Variants in C2orf69 observed in about 807,000 individuals in gnomAD.
The protein encoded by C2orf69 is mitochondrial protein C2orf69.
A neutral mutation model predicts 29.5 loss-of-function variants in C2orf69; 19 were observed. The ratio of observed to expected loss-of-function variants is 0.65; its 90% CI spans 0.45 to 0.95. C2orf69 has a LOEUF of 0.95. Ranked by LOEUF, C2orf69 falls within the 40% of genes least tolerant of loss-of-function variation. The probability of loss-of-function intolerance (pLI) is 0.00; values close to 1 mark genes in which losing one functional copy is unlikely to be tolerated. For missense variants in C2orf69, 416 were observed against 482.1 expected (o/e 0.86, Z 1.28); for synonymous variants, 194 against 180.0 (o/e 1.08, Z -0.62).
At position 199,911,745 on chromosome 2, in the gene C2orf69, GTCC is replaced by G; in HGVS notation, c.310_312del (p.Leu104del). On this transcript the variant is annotated inframe_deletion, in exon 1 of 2. Coordinates refer to ENST00000319974, the MANE Select transcript of C2orf69 (RefSeq NM_153689.6). ...GCCGCAGCCGCCGCCCCAGCATCACGTCCTCTATTTCCCTGGGGATGTGCAGGT... is the reference window on the plus strand; with the variant it reads ...GCCGCAGCCGCCGCCCCAGCATCACGTCTATTTCCCTGGGGATGTGCAGGT... The G allele has an allele frequency of 5.2e-6, 8 of 1,540,506 alleles. No homozygotes were observed. Among genetic ancestry groups the G allele is most frequent in the Non-Finnish European group, 7.0e-6 (8 of 1,146,900 alleles).
At chr2:199,922,430 G>T (rs1438505030) in intron 1 of C2orf69, among the ~76,000 whole-genome samples, 1 of 152,024 alleles carries the variant, frequency 6.6e-6, no homozygotes, top group Non-Finnish European at 1.5e-5. Flanking sequence ...GTTGCATAGT[G>T]TACTGGATTT....
chr2:199,912,175 A>T (rs192064142), intron 1 of C2orf69, among the ~76,000 whole-genome samples: 3 of 152,340 alleles, frequency 2.0e-5, no homozygotes, highest in Admixed American at 2.0e-4. Flanking sequence ...TAGTGTTTAG[A>T]AAACGGTGGC....
chr2:199,927,522 T>C lies in C2orf69; in HGVS notation c.*1636T>C, dbSNP rs1315105719. 6.6e-6 allele frequency: 1 copy of C among 151,274 alleles called. No individual in the cohort carries two copies. Among genetic ancestry groups the C allele is most frequent in the Non-Finnish European group, 1.5e-5 (1 of 67,820 alleles). 9.4% of individuals were successfully genotyped at this position (151,274 alleles called of 1,614,324 possible). On this transcript the variant is annotated 3_prime_UTR_variant, in exon 2 of 2. Transcript: ENST00000319974. ...AAAATAACATTTCTTTTTGGTGTTT[T>C]AACACTTAATTTTATAAACTGCAGA...
Position 199,911,408 on chromosome 2 carries a change from C to T in C2orf69, c.-31C>T. On this transcript the variant is annotated 5_prime_UTR_variant, in exon 1 of 2. Transcript: ENST00000319974. Reference sequence around the variant, plus strand: ...CCTCAGGAACCCCTCCGCCACCCTCCACCTCCGAACCGCTCTCGCGGCGGC... The same window carrying T: ...CCTCAGGAACCCCTCCGCCACCCTCTACCTCCGAACCGCTCTCGCGGCGGC... 1 of 1,460,534 alleles carries T rather than the reference C, an allele frequency of 6.8e-7. No homozygotes were observed. Among genetic ancestry groups the T allele is most frequent in the Non-Finnish European group, 9.0e-7 (1 of 1,108,888 alleles). 90.5% of individuals were successfully genotyped at this position (1,460,534 alleles called of 1,614,324 possible). A position where few individuals can be genotyped will look rare whatever the true frequency, so the allele number is the denominator to read the frequency against.
intron 1 of C2orf69, among the ~76,000 whole-genome samples, chr2:199,921,853 T>G (rs944231765): frequency 6.6e-6 from 1 of 151,792 alleles, no homozygotes; most frequent in Non-Finnish European, 1.5e-5. Context: ...TTTTCTATCT[T>G]ACCTGTACCT....
At chr2:199,922,312 CG>C (rs2077320190) in intron 1 of C2orf69, among the ~76,000 whole-genome samples, 1 of 151,796 alleles carries the variant, frequency 6.6e-6, no homozygotes, top group Admixed American at 6.6e-5. Context: ...ATGTTGCTCA[CG>C]CTGGTCTCAA....
chr2:199,919,262 T>C (rs188147), intron 1 of C2orf69, among the ~76,000 whole-genome samples: 17,346 of 152,320 alleles, frequency 0.11, 1,454 homozygotes, highest in Admixed American at 0.25. Flanking sequence ...GCCAGTAGTC[T>C]GTTCCTTTTA....
At chr2:199,921,155 C>T (rs533214899) in intron 1 of C2orf69, among the ~76,000 whole-genome samples, 15 of 150,952 alleles carry the variant, frequency 9.9e-5, no homozygotes, top group South Asian at 2.1e-4. Flanking sequence ...TACAGGCACG[C>T]GCCACCATGC....
Position 199,926,080 on chromosome 2 carries a change from G to T in C2orf69, c.*194G>T. 1 of 529,762 alleles carries T rather than the reference G, an allele frequency of 1.9e-6. No individual in the cohort carries two copies. The highest frequency in any genetic ancestry group is 3.0e-5 in the South Asian group (1 of 32,988). 32.8% of individuals were successfully genotyped at this position (529,762 alleles called of 1,614,324 possible). On this transcript the variant is annotated 3_prime_UTR_variant, in exon 2 of 2. Coordinates refer to ENST00000319974, the MANE Select transcript of C2orf69 (RefSeq NM_153689.6). ...TGTGAATGTGAGCAGTTATTAATTTGGATTGAGTTAGAATTAGTTAATTTG... is the reference window on the plus strand; with the variant it reads ...TGTGAATGTGAGCAGTTATTAATTTTGATTGAGTTAGAATTAGTTAATTTG...
At chr2:199,923,740 T>G (rs1345086363) in intron 1 of C2orf69, among the ~76,000 whole-genome samples, 3 of 152,260 alleles carry the variant, frequency 2.0e-5, no homozygotes, top group African/African-American at 4.8e-5. Context: ...AAGAAATGAT[T>G]AAAATTAGTT....
At chr2:199,922,399 CT>C (rs548580111) in intron 1 of C2orf69, among the ~76,000 whole-genome samples, 1 of 152,112 alleles carries the variant, frequency 6.6e-6, no homozygotes, top group East Asian at 1.9e-4. Flanking sequence ...CAGCCTCAGG[CT>C]TTTTTTAAAA....
rs775537788 is a variant in C2orf69 at position 199,925,166 on chromosome 2, T to C, written c.438T>C (p.Tyr146=). The change falls in exon 2 of 2, where the codon TAT becomes TAC. Residue 146 remains tyrosine, a synonymous_variant. Coordinates refer to ENST00000319974, the MANE Select transcript of C2orf69 (RefSeq NM_153689.6). This position sits in a 1 kb window ranked among gnomAD's most constrained non-coding sequence, Gnocchi z 4.9. ...TAGCCCACCGGTTCCCCAATAGTTA[T>C]ATTTGGGTGATAAAATGTTCCCGAA... ...TILAHRFPNS[Y]IWVIKCSRMH... 15 of 1,612,738 alleles carry C rather than the reference T, an allele frequency of 9.3e-6. No homozygotes were observed. Among genetic ancestry groups the C allele is most frequent in the East Asian group, 2.2e-5 (1 of 44,874 alleles).
rs1205242102 is a variant in C2orf69 at position 199,911,454 on chromosome 2, C to T, written c.16C>T (p.Leu6Phe). Residue 6 changes from leucine (L) to phenylalanine (F), a missense_variant, in exon 1 of 2, where the codon CTC becomes TTC. By Grantham distance (22) the Leu-to-Phe change is conservative (BLOSUM62 0). Transcript: ENST00000319974. Reference protein sequence around the residue: MWGFRLLRSPPLLLLL... With the variant: MWGFRFLRSPPLLLLL... ...GCGGCGACCCATGTGGGGGTTCAGG[C>T]TCCTGCGGTCGCCGCCGTTGCTGCT... 7 of 1,543,200 alleles carry T rather than the reference C, an allele frequency of 4.5e-6. No homozygotes were observed. The Admixed American group carries it at 1.2e-4, about 26-fold the overall frequency.
rs368554863 is a variant in C2orf69, at chr2:199,922,031, T to A, written c.334-3031T>A. 3.9e-4 allele frequency among the ~76,000 whole-genome samples: 31 copies of A among 78,954 alleles called. No homozygotes were observed. The South Asian group carries it at 4.8e-3, about 12-fold the overall frequency. 51.8% of individuals were successfully genotyped at this position (78,954 alleles called of 152,430 possible). ...TTCCCCAAGGCTGCCACTGTTATTT[T>A]TATATATATATATATATATATATGC... is the stretch of plus-strand genomic sequence containing the variant. On this transcript the variant is annotated intron_variant, in intron 1 of 1. Coordinates refer to ENST00000319974, the MANE Select transcript of C2orf69 (RefSeq NM_153689.6).
intron 1 of C2orf69, among the ~76,000 whole-genome samples, chr2:199,920,421 C>T (rs539861046): frequency 6.6e-6 from 1 of 152,200 alleles, no homozygotes; most frequent in Admixed American, 6.5e-5. Flanking sequence ...TATCATGTTT[C>T]TAGATTTAGA....
Position 199,925,175 on chromosome 2 carries a change from G to GA in C2orf69, c.448dup (p.Ile150AsnfsTer15). 1.2e-6 allele frequency: 2 copies of GA among 1,612,646 alleles called. No individual in the cohort carries two copies. Among genetic ancestry groups the GA allele is most frequent in the Non-Finnish European group, 1.7e-6 (2 of 1,179,396 alleles). ...GGTTCCCCAATAGTTATATTTGGGT[G>GA]ATAAAATGTTCCCGAATGCATTTGC... On this transcript the variant is annotated frameshift_variant, in exon 2 of 2. Transcript: ENST00000319974. LOFTEE classifies it high-confidence loss of function. The surrounding 1 kb of genome is among the most constrained non-coding windows in gnomAD (Gnocchi z 4.9).
intron 1 of C2orf69, among the ~76,000 whole-genome samples, chr2:199,912,933 G>A (rs1364261634): frequency 6.6e-6 from 1 of 151,320 alleles, no homozygotes; most frequent in South Asian, 2.1e-4. Flanking sequence ...GAGCCACCGC[G>A]CCCGGCCTAC....
chr2:199,919,989 C>T (rs2077307701), intron 1 of C2orf69, among the ~76,000 whole-genome samples: 1 of 152,220 alleles, frequency 6.6e-6, no homozygotes, highest in Admixed American at 6.5e-5. Context: ...CAGCAAGCAT[C>T]TAACTGGAGT....
At chr2:199,912,423 T>C (rs979347331) in intron 1 of C2orf69, among the ~76,000 whole-genome samples, 2 of 152,254 alleles carry the variant, frequency 1.3e-5, no homozygotes, top group Admixed American at 6.5e-5. Context: ...TTATCTAATA[T>C]GGTAGCCATT....
Sources: gnomAD v4.1 joint callset for allele counts (sites outside exome capture counted in the v4.1 genomes callset) on GRCh38, gnomAD v4.1.1 for gene constraint, Gnocchi (gnomAD v3.1) non-coding constraint, MANE v1.5 for transcripts, NCBI Gene and HGNC (gene_info 2026-07-23, HGNC 2026-07-21) for gene names.